The following DNAH5 variants were observed in gnomAD, a reference collection of about 807,000 sequenced individuals.
The protein encoded by DNAH5 is axonemal beta dynein heavy chain 5.
A neutral mutation model predicts 518.2 loss-of-function variants in DNAH5; 372 were observed. The ratio of observed to expected loss-of-function variants is 0.72; its 90% CI spans 0.66 to 0.78. DNAH5 has a LOEUF of 0.78. Among genes scored for constraint, DNAH5 ranks in the 30% least tolerant of loss-of-function variants. The probability of loss-of-function intolerance (pLI) is 0.00; values close to 1 mark genes in which losing one functional copy is unlikely to be tolerated. For missense variants in DNAH5, 5,523 were observed against 5,687.0 expected, an observed-to-expected ratio of 0.97 and a Z score of 0.93; for synonymous variants, 2,039 against 2,025.9, an observed-to-expected ratio of 1.01 and a Z score of -0.17.
intron 78 of DNAH5, among the ~76,000 whole-genome samples, chr5:13,699,011 A>C (rs1259146092): frequency 6.6e-6 from 1 of 152,096 alleles, no homozygotes; most frequent in African/African-American, 2.4e-5. Flanking sequence ...TTTGCGACTC[A>C]GCTCCACGAG....
intron 71 of DNAH5, 140 bp from the exon 72 acceptor site, chr5:13,719,241 A>G (rs1022910105): frequency 2.8e-4 from 216 of 770,552 alleles, no homozygotes; most frequent in Non-Finnish European, 6.3e-5. Context: ...CAAATCTAAG[A>G]AAACAAAAAT....
At chr5:13,816,686 A>T (rs955370548) in intron 42 of DNAH5, among the ~76,000 whole-genome samples, 1 of 152,210 alleles carries the variant, frequency 6.6e-6, no homozygotes, top group Non-Finnish European at 1.5e-5. Flanking sequence ...AACAAAAACA[A>T]TTTCTAATAT....
At chr5:13,944,280 A>C in intron 1 of DNAH5, 102 bp downstream of exon 1, 1 of 1,077,720 alleles carries the variant, frequency 9.3e-7, no homozygotes, top group Non-Finnish European at 1.4e-6. Context: ...CAAATTCATC[A>C]GTGTGTGACT....
At chr5:13,863,808 T>C (rs1330710616) in intron 28 of DNAH5, among the ~76,000 whole-genome samples, 2 of 152,012 alleles carry the variant, frequency 1.3e-5, no homozygotes, top group African/African-American at 2.4e-5. Context: ...TCCCAGCTGG[T>C]GCCCATTGCT....
intron 69 of DNAH5, among the ~76,000 whole-genome samples, chr5:13,728,770 C>A (rs1746108391): frequency 6.6e-6 from 1 of 152,196 alleles, no homozygotes; most frequent in African/African-American, 2.4e-5. Flanking sequence ...CTGGATAAAG[C>A]CACCCTGCTG....
At chr5:14,000,956 C>A (rs1414330995) in intron 1 of DNAH5, among the ~76,000 whole-genome samples, 1 of 152,140 alleles carries the variant, frequency 6.6e-6, no homozygotes. Flanking sequence ...TGGAATACTA[C>A]ATAGCCATTA....
At chr5:13,906,342 A>G (rs1580831678) in intron 12 of DNAH5, among the ~76,000 whole-genome samples, 1 of 152,084 alleles carries the variant, frequency 6.6e-6, no homozygotes, top group Non-Finnish European at 1.5e-5. Flanking sequence ...GGGGGAGGCT[A>G]TGCATTCTGG....
At position 13,984,693 on chromosome 5, in the gene DNAH5, G is replaced by C. The variant is rs536310202; in HGVS notation, c.12+26955C>G. Among the ~76,000 whole-genome samples the C allele has an allele frequency of 4.4e-4, 67 of 152,292 alleles. 2 individuals are homozygous for C. The South Asian group carries it at 0.014, about 31-fold the overall frequency. On this transcript the variant is annotated intron_variant, in intron 1 of 78. Coordinates refer to the DNAH5 transcript ENST00000681290. ...TCATAAATAGCTCTTATTATTTTTAGATATGTTCCATCAATATCTAATTTA... is the reference window on the plus strand; with the variant it reads ...TCATAAATAGCTCTTATTATTTTTACATATGTTCCATCAATATCTAATTTA...
chr5:13,889,885 C>T (rs116109799), intron 17 of DNAH5, among the ~76,000 whole-genome samples: 2,081 of 152,230 alleles, frequency 0.014, 50 homozygotes, highest in African/African-American at 0.046. Flanking sequence ...TGCTGAGTTC[C>T]GTGAGTCCTC....
At chr5:13,798,498 A>G (rs541433504) in intron 47 of DNAH5, among the ~76,000 whole-genome samples, 25 of 152,272 alleles carry the variant, frequency 1.6e-4, no homozygotes, top group African/African-American at 5.8e-4. Context: ...CATGTTAAAG[A>G]TGTTGTATAA....
chr5:13,692,472 C>T (rs1740828014), intron 78 of DNAH5, among the ~76,000 whole-genome samples: 1 of 152,146 alleles, frequency 6.6e-6, no homozygotes, highest in Admixed American at 6.6e-5. Context: ...TTCACCTCCT[C>T]ACCAAACCTT....
intron 31 of DNAH5, among the ~76,000 whole-genome samples, chr5:13,845,904 C>T (rs1765933843): frequency 1.4e-5 from 2 of 146,898 alleles, no homozygotes; most frequent in African/African-American, 2.5e-5. Context: ...GACCTTGGCT[C>T]ACTGCGACCT....
chr5:13,948,583 T>C (rs1396005566), upstream of DNAH5, among the ~76,000 whole-genome samples: 1 of 152,174 alleles, frequency 6.6e-6, no homozygotes, highest in African/African-American at 2.4e-5. Context: ...TGAAAAATTA[T>C]CTTGGAGACT....
At position 13,793,673 on chromosome 5, in the gene DNAH5, T is replaced by C; in HGVS notation, c.8066A>G (p.Glu2689Gly). The C allele has an allele frequency of 6.2e-7, 1 of 1,614,174 alleles. No homozygotes were observed. Among genetic ancestry groups the C allele is most frequent in the Non-Finnish European group, 8.5e-7 (1 of 1,180,044 alleles). Residue 2689 changes from glutamate to glycine, a missense_variant, in exon 49 of 79, where the codon GAG (glutamate) becomes GGG (glycine). Glu to Gly is a moderately conservative substitution (Grantham distance 98, BLOSUM62 -2). Around this residue, in one of 3 missense-constraint regions of DNAH5, gnomAD observed 5,121 missense variants for 5,223.3 expected, o/e 0.98. Coordinates refer to ENST00000265104, the MANE Select transcript of DNAH5 (RefSeq NM_001369.3). ...GATGCTGGTGAACTCCCCAGGCTTCTCTAGATTATAGAATCCATTTTGTTC... is the reference window on the plus strand; with the variant it reads ...GATGCTGGTGAACTCCCCAGGCTTCCCTAGATTATAGAATCCATTTTGTTC... ...LMEQNGFYNL[E>G]KPGEFTSIVD...
intron 47 of DNAH5, among the ~76,000 whole-genome samples, chr5:13,802,863 A>G (rs1219541753): frequency 2.0e-5 from 3 of 152,214 alleles, no homozygotes; most frequent in African/African-American, 7.2e-5. Flanking sequence ...TAAGCCACTT[A>G]ATATTTCTGG....
At chr5:13,973,971 AC>A (rs1782054410) in intron 1 of DNAH5, among the ~76,000 whole-genome samples, 1 of 152,112 alleles carries the variant, frequency 6.6e-6, no homozygotes, top group Non-Finnish European at 1.5e-5. Context: ...TTATCTAAAA[AC>A]AATTATGTGA....
At chr5:13,774,766 A>T (rs182429751) in intron 55 of DNAH5, among the ~76,000 whole-genome samples, 2 of 152,312 alleles carry the variant, frequency 1.3e-5, no homozygotes, top group East Asian at 1.9e-4. Context: ...AAAGAATGGG[A>T]CAATGAGAAA....
chr5:13,702,031 A>G (rs1225537514), intron 76 of DNAH5, among the ~76,000 whole-genome samples: 1 of 152,198 alleles, frequency 6.6e-6, no homozygotes, highest in Non-Finnish European at 1.5e-5. Context: ...TGAAGGAGCA[A>G]AAAATGGAAA....
intron 61 of DNAH5, among the ~76,000 whole-genome samples, chr5:13,755,746 G>A (rs1459399814): frequency 6.6e-6 from 1 of 152,010 alleles, no homozygotes; most frequent in Non-Finnish European, 1.5e-5. Flanking sequence ...AGCTGGGAAG[G>A]ACAATCCTAC....
Sources: allele counts gnomAD v4.1 joint callset (sites outside exome capture counted in the v4.1 genomes callset), GRCh38; gene constraint gnomAD v4.1.1; regional missense constraint gnomAD v4.1.1; transcripts MANE v1.5; gene names NCBI Gene and HGNC (gene_info 2026-07-23, HGNC 2026-07-21).